Variants in TRIM2 observed in about 807,000 individuals in gnomAD.
TRIM2 encodes tripartite motif containing 2, also known as tripartite motif-containing protein 2.
A neutral mutation model predicts 75.2 loss-of-function variants in TRIM2; 20 were observed. The observed-to-expected ratio is 0.27, with a 90% CI of 0.19 to 0.39. The LOEUF (loss-of-function observed/expected upper bound fraction) is 0.39, where lower values mean the gene tolerates loss of function less well. Ranked by LOEUF, TRIM2 falls within the 10% of genes least tolerant of loss-of-function variation. The pLI, the probability that TRIM2 is intolerant of heterozygous loss-of-function variation, is 1.00. For missense variants in TRIM2, 660 were observed against 990.8 expected (o/e 0.67, Z 4.48); for synonymous variants, 373 against 388.3 (o/e 0.96, Z 0.46).
chr4:153,335,093 T>C lies in TRIM2; in HGVS notation c.*127T>C. The C allele has an allele frequency of 1.5e-6, 2 of 1,321,874 alleles. No individual in the cohort carries two copies. Among genetic ancestry groups the C allele is most frequent in the Non-Finnish European group, 1.9e-6 (2 of 1,028,084 alleles). 81.9% of individuals were successfully genotyped at this position (1,321,874 alleles called of 1,614,324 possible). ...GAATCATTGGTGAACTTTCCAAGGT[T>C]ATTTCTGAATGTAACAATTTCCTTA... is the stretch of plus-strand genomic sequence containing the variant. On this transcript the variant is annotated 3_prime_UTR_variant, in exon 12 of 12. Coordinates refer to ENST00000338700, the MANE Select transcript of TRIM2 (RefSeq NM_015271.5).
In TRIM2 at chr4:153,233,645, G is replaced by A. The variant is rs756940793; in HGVS notation, c.30+29085G>A. Among the ~76,000 whole-genome samples, 87 of 152,138 alleles carry A rather than the reference G, an allele frequency of 5.7e-4. 1 individual carries two copies. Among genetic ancestry groups the A allele is most frequent in the Admixed American group, 3.9e-4 (6 of 15,272 alleles). On this transcript the variant is annotated intron_variant, in intron 1 of 11. Coordinates refer to ENST00000338700, the MANE Select transcript of TRIM2 (RefSeq NM_015271.5). ...GGAGATGATGGTGTTAAAGAGGAAA[G>A]GGTTGAAGGAGTGAGGCGTGGAGGT...
At chr4:153,256,711 C>A (rs989188867) in intron 1 of TRIM2, among the ~76,000 whole-genome samples, 1 of 152,176 alleles carries the variant, frequency 6.6e-6, no homozygotes, top group South Asian at 2.1e-4. Context: ...CTGAAAACTT[C>A]ATGATCAGAA....
intron 10 of TRIM2, among the ~76,000 whole-genome samples, chr4:153,324,685 A>G (rs1471627867): frequency 6.6e-6 from 1 of 152,146 alleles, no homozygotes; most frequent in Admixed American, 6.5e-5. Flanking sequence ...ACCAGGGGAG[A>G]GAGAATTGAA....
At chr4:153,159,167 A>G (rs1007497995) in intron 1 of TRIM2, among the ~76,000 whole-genome samples, 15 of 152,310 alleles carry the variant, frequency 9.8e-5, no homozygotes, top group African/African-American at 3.1e-4. Flanking sequence ...ACTGTATCTT[A>G]CTTCAATATC....
intron 1 of TRIM2, among the ~76,000 whole-genome samples, chr4:153,158,734 A>G (rs1729466628): frequency 6.6e-6 from 1 of 152,118 alleles, no homozygotes. Flanking sequence ...AAGAGGGGAA[A>G]CTGATATTCT....
rs114050737 is a variant in TRIM2, at chr4:153,194,149, G to T, written c.-49+40879G>T. Among the ~76,000 whole-genome samples the T allele has an allele frequency of 2.1e-3, 315 of 152,290 alleles. 4 individuals carry two copies. Among genetic ancestry groups the T allele is most frequent in the African/African-American group, 6.7e-3 (278 of 41,562 alleles). On this transcript the variant is annotated intron_variant, in intron 1 of 11. Coordinates refer to the TRIM2 transcript ENST00000437508. The stretch of plus-strand genomic sequence containing the variant: ...ATGAGCCTAAGTATATGTAATTTAA[G>T]AGTGAGATGGGGAAAGAGTGAAGAA...
At chr4:153,283,006 T>A (rs1365998939) in intron 3 of TRIM2, among the ~76,000 whole-genome samples, 1 of 151,982 alleles carries the variant, frequency 6.6e-6, no homozygotes, top group Non-Finnish European at 1.5e-5. Flanking sequence ...GGTCTCCAAC[T>A]CCTAGGCTCA....
chr4:153,256,896 G>C, intron 1 of TRIM2, among the ~76,000 whole-genome samples: 1 of 146,090 alleles, frequency 6.8e-6, no homozygotes. Flanking sequence ...GTAGGGGCTT[G>C]TGGAACTGGA....
At chr4:153,258,316 T>C (rs1752574336) in intron 1 of TRIM2, among the ~76,000 whole-genome samples, 1 of 152,134 alleles carries the variant, frequency 6.6e-6, no homozygotes, top group Non-Finnish European at 1.5e-5. Flanking sequence ...TTTGCTTTTT[T>C]TCTGACAATT....
rs1770479796 is a variant in TRIM2, at chr4:153,327,384, A to G, written c.2023-1146A>G. Among the ~76,000 whole-genome samples the G allele has an allele frequency of 2.0e-5, 3 of 152,364 alleles. No homozygotes were observed. The South Asian group carries it at 6.2e-4, about 32-fold the overall frequency. On this transcript the variant is annotated intron_variant, in intron 10 of 11. Coordinates refer to ENST00000338700, the MANE Select transcript of TRIM2 (RefSeq NM_015271.5). ...ATCTTCTGTAATCAGAGATGACAAC[A>G]GGTGGCTCTCTAAAAGGTCTTGAGA...
At chr4:153,203,463 C>T (rs1233678639), upstream of TRIM2, among the ~76,000 whole-genome samples, 1 of 151,102 alleles carries the variant, frequency 6.6e-6, no homozygotes, top group Admixed American at 6.6e-5. Context: ...CAAATGTGAG[C>T]CATTTTGCTG....
chr4:153,272,635 C>A (rs1377332896), intron 2 of TRIM2, among the ~76,000 whole-genome samples: 2 of 151,966 alleles, frequency 1.3e-5, no homozygotes, highest in Non-Finnish European at 2.9e-5. Flanking sequence ...CACAGGTGCA[C>A]ACCACCATGC....
At chr4:153,225,577 T>C (rs2149781496) in intron 1 of TRIM2, among the ~76,000 whole-genome samples, 1 of 152,310 alleles carries the variant, frequency 6.6e-6, no homozygotes, top group East Asian at 1.9e-4. Flanking sequence ...TAATTTAGTA[T>C]TTTCTCTGGA....
intron 1 of TRIM2, among the ~76,000 whole-genome samples, chr4:153,244,378 CTT>C (rs1748193892): frequency 1.6e-5 from 1 of 63,718 alleles, no homozygotes; most frequent in South Asian, 5.0e-4. Context: ...TCTTCTTCTT[CTT>C]CTTCTTCTTC....
intron 1 of TRIM2, among the ~76,000 whole-genome samples, chr4:153,172,525 TGGAA>T (rs1730994804): frequency 6.6e-6 from 1 of 152,154 alleles, no homozygotes; most frequent in South Asian, 2.1e-4. Flanking sequence ...AAACACTTCC[TGGAA>T]GGGAGTTGAT....
chr4:153,329,004 A>G (rs1770862213), intron 11 of TRIM2, among the ~76,000 whole-genome samples: 1 of 152,212 alleles, frequency 6.6e-6, no homozygotes, highest in African/African-American at 2.4e-5. Context: ...CATGAATATA[A>G]GCAACAATCA....
rs145561281 is a variant in TRIM2 at position 153,185,755 on chromosome 4, G to A, written c.-49+32485G>A. Among the ~76,000 whole-genome samples the A allele has an allele frequency of 7.8e-3, 1,182 of 152,276 alleles. 17 individuals carry two copies. The highest frequency in any genetic ancestry group is 0.027 in the African/African-American group (1,115 of 41,552). On this transcript the variant is annotated intron_variant, in intron 1 of 11. Coordinates refer to the TRIM2 transcript ENST00000437508. ...AGCTTAGGAAGGAGCTGGGGAGACA[G>A]GACATACACAAGAGAGGTTCCATGA...
At chr4:153,221,916 AGG>A in intron 1 of TRIM2, among the ~76,000 whole-genome samples, 1 of 116,600 alleles carries the variant, frequency 8.6e-6, no homozygotes, top group Non-Finnish European at 1.8e-5. Context: ...GAAGGGAGGG[AGG>A]GAGAGGGAGA....
rs762398531 is a variant in TRIM2 at position 153,293,034 on chromosome 4, C to T, written c.506C>T (p.Thr169Met). ...GAGACTGCCATGTGTCGGGAGTGCACGGAGGGGGAGCACGCAGAGCACCCC... is the reference window on the plus strand; with the variant it reads ...GAGACTGCCATGTGTCGGGAGTGCATGGAGGGGGAGCACGCAGAGCACCCC... ...SCETAMCRECTEGEHAEHPTV... is the reference protein window; with the variant it reads ...SCETAMCRECMEGEHAEHPTV... Residue 169 changes from threonine to methionine, a missense_variant, in exon 4 of 12, where the codon ACG (threonine) becomes ATG (methionine). This residue lies in a region of TRIM2 where 620 missense variants were observed against 891.0 expected (regional missense o/e 0.70). Coordinates refer to ENST00000338700, the MANE Select transcript of TRIM2 (RefSeq NM_015271.5). 33 of 1,613,374 alleles carry T rather than the reference C, an allele frequency of 2.0e-5. No individual in the cohort carries two copies. The highest frequency in any genetic ancestry group is 8.8e-5 in the South Asian group (8 of 91,020).
Sources: allele counts gnomAD v4.1 joint callset (sites outside exome capture counted in the v4.1 genomes callset), GRCh38; gene constraint gnomAD v4.1.1; regional missense constraint gnomAD v4.1.1; transcripts MANE v1.5; gene names NCBI Gene and HGNC (gene_info 2026-07-23, HGNC 2026-07-21).